Variants in CSNK2A2IP observed in about 807,000 individuals in gnomAD.
The protein encoded by CSNK2A2IP is casein kinase 2 subunit alpha' interacting protein.
chr3:88,348,226 T>G, the CSNK2A2IP span, among the ~76,000 whole-genome samples: 2 of 152,034 alleles, frequency 1.3e-5, no homozygotes, highest in Non-Finnish European at 2.9e-5. Flanking sequence ...ACTGAGAATT[T>G]CTGTTCTTGC....
chr3:88,372,382 T>C, the CSNK2A2IP span, among the ~76,000 whole-genome samples: 1 of 151,470 alleles, frequency 6.6e-6, no homozygotes, highest in African/African-American at 2.4e-5. Flanking sequence ...AACTATATTG[T>C]TACAAGCTTC....
the CSNK2A2IP span, among the ~76,000 whole-genome samples, chr3:88,377,848 C>A: frequency 6.6e-6 from 1 of 151,740 alleles, no homozygotes; most frequent in Admixed American, 6.6e-5. Flanking sequence ...TGAAAAGACT[C>A]TTTAGGTCTA....
At chr3:88,439,241 T>C in the CSNK2A2IP span, among the ~76,000 whole-genome samples, 3 of 152,220 alleles carry the variant, frequency 2.0e-5, no homozygotes, top group African/African-American at 7.2e-5. Context: ...ATGTGATGCC[T>C]TGTTAATAAG....
At chr3:88,366,923 G>C in the CSNK2A2IP span, among the ~76,000 whole-genome samples, 1 of 152,174 alleles carries the variant, frequency 6.6e-6, no homozygotes, top group Admixed American at 6.6e-5. Flanking sequence ...GACAGAATGA[G>C]AGCCAAGTGA....
the CSNK2A2IP span, among the ~76,000 whole-genome samples, chr3:88,363,686 T>C: frequency 6.6e-6 from 1 of 152,230 alleles, no homozygotes; most frequent in South Asian, 2.1e-4. Flanking sequence ...CATTCCAGGA[T>C]GCAGTTAAGT....
the CSNK2A2IP span, among the ~76,000 whole-genome samples, chr3:88,416,394 C>G: frequency 1.3e-5 from 2 of 151,914 alleles, no homozygotes; most frequent in East Asian, 1.9e-4. Flanking sequence ...GATTTTGCAT[C>G]TTTTTACAGA....
chr3:88,437,741 G>T, the CSNK2A2IP span, among the ~76,000 whole-genome samples: 1 of 152,096 alleles, frequency 6.6e-6, no homozygotes, highest in African/African-American at 2.4e-5. Flanking sequence ...GTTAAAAACA[G>T]GTGTTTTATT....
the CSNK2A2IP span, among the ~76,000 whole-genome samples, chr3:88,407,017 G>T: frequency 5.9e-5 from 9 of 152,118 alleles, no homozygotes; most frequent in Non-Finnish European, 2.9e-5. Flanking sequence ...AGCATGTAAT[G>T]CTGTTAGTTC....
the CSNK2A2IP span, among the ~76,000 whole-genome samples, chr3:88,451,381 T>G: frequency 6.6e-6 from 1 of 151,822 alleles, no homozygotes; most frequent in African/African-American, 2.4e-5. Context: ...TTATGTCTTC[T>G]TTGGAGAAAT....
the CSNK2A2IP span, among the ~76,000 whole-genome samples, chr3:88,360,906 A>T: frequency 0.44 from 66,616 of 151,854 alleles, 15,843 homozygotes; most frequent in South Asian, 0.62. Flanking sequence ...CAATTATTTT[A>T]AACTGATGAC....
At chr3:88,348,941 T>C in the CSNK2A2IP span, among the ~76,000 whole-genome samples, 2 of 151,970 alleles carry the variant, frequency 1.3e-5, no homozygotes, top group Admixed American at 1.3e-4. Flanking sequence ...TATGTCACCA[T>C]TATTATTTTT....
chr3:88,457,023 T>TA, the CSNK2A2IP span, among the ~76,000 whole-genome samples: 439 of 152,120 alleles, frequency 2.9e-3, 3 homozygotes, highest in African/African-American at 9.8e-3. Context: ...GGTATGTTTA[T>TA]AAAAAAAATA....
the CSNK2A2IP span, among the ~76,000 whole-genome samples, chr3:88,339,820 T>TG: frequency 6.6e-6 from 1 of 152,076 alleles, no homozygotes; most frequent in Non-Finnish European, 1.5e-5. Flanking sequence ...GCAGCAATTA[T>TG]GGGGGTGAGA....
At chr3:88,456,501 G>A in the CSNK2A2IP span, among the ~76,000 whole-genome samples, 1 of 151,756 alleles carries the variant, frequency 6.6e-6, no homozygotes, top group Non-Finnish European at 1.5e-5. Flanking sequence ...TGGACAGTTT[G>A]CTGTTAATGT....
At chr3:88,381,618 G>T in the CSNK2A2IP span, among the ~76,000 whole-genome samples, 1 of 152,184 alleles carries the variant, frequency 6.6e-6, no homozygotes, top group South Asian at 2.1e-4. Flanking sequence ...TCAAGAGGGT[G>T]TATCTTCAGA....
chr3:88,427,996 A>G, the CSNK2A2IP span, among the ~76,000 whole-genome samples: 7 of 152,014 alleles, frequency 4.6e-5, no homozygotes, highest in African/African-American at 1.7e-4. Context: ...AGCTGCAGAC[A>G]CTCACTGCCA....
the CSNK2A2IP span, chr3:88,467,053 G>A: frequency 1.0e-6 from 1 of 983,164 alleles, no homozygotes; most frequent in East Asian, 3.3e-5. Context: ...ATCTGAACGG[G>A]ATATCCAGGG....
At chr3:88,375,339 A>T in the CSNK2A2IP span, among the ~76,000 whole-genome samples, 2 of 151,764 alleles carry the variant, frequency 1.3e-5, no homozygotes, top group African/African-American at 2.4e-5. Context: ...GTTCTCTTCT[A>T]TCCTGTTGTT....
the CSNK2A2IP span, among the ~76,000 whole-genome samples, chr3:88,434,743 CACT>C: frequency 6.6e-6 from 1 of 152,062 alleles, no homozygotes; most frequent in South Asian, 2.1e-4. Context: ...AAAATGAAGC[CACT>C]CACAGAAGTA....
Sources: allele counts gnomAD v4.1 joint callset (sites outside exome capture counted in the v4.1 genomes callset), GRCh38; gene constraint gnomAD v4.1.1; transcripts MANE v1.5; gene names NCBI Gene and HGNC (gene_info 2026-07-23, HGNC 2026-07-21).